The following ROBO2 variants were observed in gnomAD, a reference collection of about 807,000 sequenced individuals.
ROBO2 encodes the protein roundabout guidance receptor 2.
In ROBO2, 53 loss-of-function variants were observed where a neutral mutation model predicts 160.8. The ratio of observed to expected loss-of-function variants is 0.33; its 90% CI spans 0.26 to 0.41. ROBO2 has a LOEUF of 0.41. ROBO2 is among the 10% of genes least tolerant of loss of function. The probability of loss-of-function intolerance (pLI) is 1.00; values close to 1 mark genes in which losing one functional copy is unlikely to be tolerated. For missense variants in ROBO2, 1,577 were observed against 1,722.4 expected (o/e 0.92, Z 1.49); for synonymous variants, 664 against 611.7 (o/e 1.09, Z -1.26).
In ROBO2 at chr3:77,377,917, C is replaced by A. The variant is rs567161875; in HGVS notation, c.389-99497C>A. 1.3e-4 allele frequency among the ~76,000 whole-genome samples: 20 copies of A among 152,288 alleles called. No homozygotes were observed. In the South Asian group the frequency reaches 4.1e-3, roughly 32 times the overall value. On this transcript the variant is annotated intron_variant, in intron 2 of 25. Transcript: ENST00000461745. ...CAGTTCAGAACTAATCAGCAAGATA[C>A]AATCAGATAGATGCCAGAGGTGAGG... is the stretch of plus-strand genomic sequence containing the variant.
At chr3:76,698,123 A>G (rs2092968960) in intron 2 of ROBO2, among the ~76,000 whole-genome samples, 3 of 152,172 alleles carry the variant, frequency 2.0e-5, no homozygotes, top group Admixed American at 6.6e-5. Flanking sequence ...TATTTTATTC[A>G]CTGGTTAGGC....
At chr3:76,691,009 C>T (rs1453864067) in intron 2 of ROBO2, among the ~76,000 whole-genome samples, 1 of 151,872 alleles carries the variant, frequency 6.6e-6, no homozygotes, top group African/African-American at 2.4e-5. Flanking sequence ...CACTTGAGCC[C>T]AGGAGTTTGA....
At chr3:76,198,601 T>A (rs1702372821) in intron 2 of ROBO2, among the ~76,000 whole-genome samples, 1 of 152,216 alleles carries the variant, frequency 6.6e-6, no homozygotes, top group African/African-American at 2.4e-5. Flanking sequence ...TTTCTGATCC[T>A]GAATAAATTA....
intron 11 of ROBO2, 49 bp downstream of exon 12, chr3:77,563,378 TA>T (rs2093388280): frequency 1.3e-6 from 2 of 1,563,982 alleles, no homozygotes; most frequent in Non-Finnish European, 1.8e-6. Context: ...TTAGCTCCTT[TA>T]TTCTAAAATG....
chr3:77,142,419 AAGAC>A lies in ROBO2; in HGVS notation c.388+44085_388+44088del, dbSNP rs1349224167. 3.3e-5 allele frequency among the ~76,000 whole-genome samples: 5 copies of A among 152,236 alleles called. No homozygotes were observed. In the South Asian group the frequency reaches 6.2e-4, roughly 19 times the overall value. ...GCAAGCACATATACCCCTTCAGAGA[AAGAC>A]AGACAAAGATTTGTTTTCCTCCAAA... On this transcript the variant is annotated intron_variant, in intron 2 of 25. Coordinates refer to ENST00000461745, the Ensembl canonical transcript of ROBO2.
intron 2 of ROBO2, among the ~76,000 whole-genome samples, chr3:76,481,547 GAATGA>G (rs1416084876): frequency 6.6e-6 from 1 of 152,140 alleles, no homozygotes; most frequent in Non-Finnish European, 1.5e-5. Flanking sequence ...AGGACAATAT[GAATGA>G]ATCAAAGCTT....
chr3:76,647,685 G>A (rs2091047348), intron 2 of ROBO2, among the ~76,000 whole-genome samples: 1 of 152,032 alleles, frequency 6.6e-6, no homozygotes, highest in African/African-American at 2.4e-5. Context: ...CACGTGGACA[G>A]GATTTTGGTA....
chr3:77,404,076 C>A (rs1348998210), intron 2 of ROBO2, among the ~76,000 whole-genome samples: 2 of 151,960 alleles, frequency 1.3e-5, no homozygotes, highest in Non-Finnish European at 2.9e-5. Context: ...ATAATAATTC[C>A]TCATAACACT....
intron 2 of ROBO2, among the ~76,000 whole-genome samples, chr3:76,665,998 ATATATAATATATACATAT>A (rs2092022728): frequency 8.2e-6 from 1 of 122,390 alleles, no homozygotes; most frequent in Non-Finnish European, 1.8e-5. Context: ...AATATATATA[ATATATAATATATACATAT>A]TATATATTAT....
intron 2 of ROBO2, among the ~76,000 whole-genome samples, chr3:77,260,791 G>A (rs911384663): frequency 6.6e-6 from 1 of 152,146 alleles, no homozygotes; most frequent in Admixed American, 6.6e-5. Context: ...ATGATGAAAT[G>A]ACCTGAATGA....
chr3:76,094,752 TA>T (rs1238214656), intron 2 of ROBO2, among the ~76,000 whole-genome samples: 1 of 152,068 alleles, frequency 6.6e-6, no homozygotes, highest in East Asian at 1.9e-4. Context: ...AAAGAATAAA[TA>T]AGGGAGAAAG....
intron 2 of ROBO2, among the ~76,000 whole-genome samples, chr3:76,000,805 T>G (rs1049100050): frequency 1.3e-5 from 2 of 152,142 alleles, no homozygotes; most frequent in African/African-American, 4.8e-5. Flanking sequence ...AATGAGATAT[T>G]AATATCACTA....
At chr3:75,998,991 A>T (rs2065806262) in intron 2 of ROBO2, among the ~76,000 whole-genome samples, 1 of 152,188 alleles carries the variant, frequency 6.6e-6, no homozygotes, top group Non-Finnish European at 1.5e-5. Flanking sequence ...GATTGTTAAT[A>T]TGTCCTCAAG....
chr3:76,842,159 G>A (rs1419905912), intron 2 of ROBO2, among the ~76,000 whole-genome samples: 1 of 152,180 alleles, frequency 6.6e-6, no homozygotes, highest in African/African-American at 2.4e-5. Context: ...AGACAATAGA[G>A]AAGGATCGAG....
At chr3:77,166,052 A>G (rs971663977) in intron 2 of ROBO2, among the ~76,000 whole-genome samples, 1 of 152,128 alleles carries the variant, frequency 6.6e-6, no homozygotes, top group African/African-American at 2.4e-5. Flanking sequence ...GTACTCCAGC[A>G]TGTATCTCCA....
intron 1 of ROBO2, among the ~76,000 whole-genome samples, chr3:77,064,691 G>A (rs72631215): frequency 0.097 from 14,749 of 152,136 alleles, 882 homozygotes; most frequent in East Asian, 0.3. Flanking sequence ...AGAATAAAAA[G>A]TGTAGTAGTT....
chr3:76,503,717 A>G (rs2080609977), intron 2 of ROBO2, among the ~76,000 whole-genome samples: 1 of 152,156 alleles, frequency 6.6e-6, no homozygotes, highest in Admixed American at 6.5e-5. Flanking sequence ...CTACCTCTCA[A>G]TCTCACTTAC....
intron 2 of ROBO2, among the ~76,000 whole-genome samples, chr3:77,435,183 C>G (rs1221232324): frequency 5.9e-5 from 9 of 151,834 alleles, no homozygotes; most frequent in Non-Finnish European, 1.3e-4. Flanking sequence ...ATATAGATAA[C>G]ATAAGGCTAA....
chr3:76,685,114 A>G (rs2092656397), intron 2 of ROBO2, among the ~76,000 whole-genome samples: 1 of 151,800 alleles, frequency 6.6e-6, no homozygotes, highest in African/African-American at 2.4e-5. Flanking sequence ...TATAACCATA[A>G]CTAATTCTTG....
Sources: gnomAD v4.1 joint callset for allele counts (sites outside exome capture counted in the v4.1 genomes callset) on GRCh38, gnomAD v4.1.1 for gene constraint, MANE v1.5 for transcripts, NCBI Gene and HGNC (gene_info 2026-07-23, HGNC 2026-07-21) for gene names.